The following CYTH3 variants were observed in gnomAD, a reference collection of about 807,000 sequenced individuals.
CYTH3 encodes cytohesin-3.
A neutral mutation model predicts 55.1 loss-of-function variants in CYTH3; 23 were observed. The observed-to-expected ratio is 0.42, with a 90% CI of 0.30 to 0.59. The LOEUF (loss-of-function observed/expected upper bound fraction) is 0.59. Among genes scored for constraint, CYTH3 ranks in the 20% least tolerant of loss-of-function variants. The pLI, the probability that CYTH3 is intolerant of heterozygous loss-of-function variation, is 0.20. For synonymous variants in CYTH3, 249 were observed against 194.9 expected (o/e 1.28, Z -2.31); for missense variants, 413 against 524.8 (o/e 0.79, Z 2.08).
At chr7:6,225,520 A>G (rs940804149) in intron 1 of CYTH3, among the ~76,000 whole-genome samples, 1 of 151,886 alleles carries the variant, frequency 6.6e-6, no homozygotes, top group Middle Eastern at 3.4e-3. Flanking sequence ...TGCTAGGCTA[A>G]TTTTTTGTGT....
In CYTH3 at chr7:6,170,115, A is replaced by T. The variant is rs1224700950; in HGVS notation, c.823+420T>A. On this transcript the variant is annotated intron_variant, in intron 9 of 12. Transcript: ENST00000350796. This position sits in a 1 kb window ranked among gnomAD's most constrained non-coding sequence, Gnocchi z 7.8. ...GACAAGCAGGGACAGCCCGTCACAG[A>T]ACAGAAAGGTGGGAGCCACAGGCAG... The T allele has an allele frequency of 5.6e-6, 1 of 178,410 alleles. No homozygotes were observed. Among genetic ancestry groups the T allele is most frequent in the Non-Finnish European group, 1.2e-5 (1 of 84,302 alleles). 11.1% of individuals were successfully genotyped at this position (178,410 alleles called of 1,614,324 possible). A position where few individuals can be genotyped will look rare whatever the true frequency, so the allele number is the denominator to read the frequency against.
intron 12 of CYTH3, 31 bp downstream of exon 12, chr7:6,165,242 G>A (rs763619168): frequency 6.3e-7 from 1 of 1,595,672 alleles, no homozygotes; most frequent in Non-Finnish European, 8.5e-7. Context: ...CGAGAAGACG[G>A]GCCTGGCCCC....
At chr7:6,244,161 C>T (rs2128555996) in intron 1 of CYTH3, among the ~76,000 whole-genome samples, 1 of 152,250 alleles carries the variant, frequency 6.6e-6, no homozygotes, top group Admixed American at 6.5e-5. Flanking sequence ...AAGTCGGACA[C>T]TTTCAGACTT....
intron 2 of CYTH3, 91 bp downstream of exon 2, chr7:6,190,358 T>C: frequency 1.0e-6 from 1 of 957,086 alleles, no homozygotes; most frequent in South Asian, 2.1e-5. Flanking sequence ...TTTTTTTTTT[T>C]TTTACATTTT....
At position 6,175,545 on chromosome 7, in the gene CYTH3, C is replaced by CTTTTTTT. The variant is rs1177188782; in HGVS notation, c.369-1819_369-1813dup. On this transcript the variant is annotated intron_variant, in intron 5 of 12. Transcript: ENST00000350796. ...CAATGTCTTGACTATACACTTTAGT[C>CTTTTTTT]TTTTTTTTTTTTTTTTTTTTTTGAG... Among the ~76,000 whole-genome samples, 34 of 89,004 alleles carry CTTTTTTT rather than the reference C, an allele frequency of 3.8e-4. 1 individual carries two copies. The highest frequency in any genetic ancestry group is 5.4e-4 in the Non-Finnish European group (26 of 48,414). The allele number at this position is 89,004 out of a possible 152,430, so 58.4% of individuals were successfully genotyped here. A position where few individuals can be genotyped will look rare whatever the true frequency, so the allele number is the denominator to read the frequency against.
chr7:6,254,903 A>T (rs1780060544), intron 1 of CYTH3, among the ~76,000 whole-genome samples: 1 of 152,220 alleles, frequency 6.6e-6, no homozygotes, highest in African/African-American at 2.4e-5. Flanking sequence ...TTTTCTGTAG[A>T]TTTGAACATT....
At position 6,170,301 on chromosome 7, in the gene CYTH3, G is replaced by A. The variant is rs113626113; in HGVS notation, c.823+234C>T. On this transcript the variant is annotated intron_variant, in intron 9 of 12. Coordinates refer to ENST00000350796, the MANE Select transcript of CYTH3 (RefSeq NM_004227.4). The surrounding 1 kb of genome is among the most constrained non-coding windows in gnomAD (Gnocchi z 7.8). ...TGCTAACTCAGCAGTTTTCTGGGAC[G>A]GGCCGTGCAGCCTGGGCGCTACTCT... 12 of 522,444 alleles carry A rather than the reference G, an allele frequency of 2.3e-5. No homozygotes were observed. Among genetic ancestry groups the A allele is most frequent in the South Asian group, 5.4e-5 (2 of 37,230 alleles). 32.4% of individuals were successfully genotyped at this position (522,444 alleles called of 1,614,324 possible). A position where few individuals can be genotyped will look rare whatever the true frequency, so the allele number is the denominator to read the frequency against.
intron 4 of CYTH3, among the ~76,000 whole-genome samples, chr7:6,181,869 GTGA>G (rs1783512047): frequency 6.6e-6 from 1 of 152,148 alleles, no homozygotes; most frequent in Non-Finnish European, 1.5e-5. Flanking sequence ...ATATGCTCAA[GTGA>G]TGATGTGACA....
rs556556975 is a variant in CYTH3 at position 6,223,145 on chromosome 7, G to A, written c.35-32614C>T. On this transcript the variant is annotated intron_variant, in intron 1 of 12. Coordinates refer to ENST00000350796, the MANE Select transcript of CYTH3 (RefSeq NM_004227.4). ...CGTCTGGGAGGCGAGGAGCGCCTCTGCCCGGCCGCCCCGTCTGGGAGGTGG... is the reference window on the plus strand; with the variant it reads ...CGTCTGGGAGGCGAGGAGCGCCTCTACCCGGCCGCCCCGTCTGGGAGGTGG... Among the ~76,000 whole-genome samples, 25 of 152,224 alleles carry A rather than the reference G, an allele frequency of 1.6e-4. No homozygotes were observed. In the Middle Eastern group the frequency reaches 0.024, roughly 145 times the overall value.
intron 1 of CYTH3, among the ~76,000 whole-genome samples, chr7:6,268,086 T>C (rs1780550175): frequency 6.6e-6 from 1 of 151,926 alleles, no homozygotes; most frequent in South Asian, 2.1e-4. Flanking sequence ...CCAGGGAATC[T>C]GCATGCATCA....
intron 1 of CYTH3, among the ~76,000 whole-genome samples, chr7:6,229,919 G>C (rs745591498): frequency 1.3e-5 from 2 of 152,038 alleles, no homozygotes; most frequent in Non-Finnish European, 2.9e-5. Flanking sequence ...GTGATAGCTT[G>C]AGGTCTGGAG....
chr7:6,190,719 T>C (rs1431689544), intron 1 of CYTH3, among the ~76,000 whole-genome samples, 188 bp from the exon 2 acceptor site: 2 of 152,274 alleles, frequency 1.3e-5, no homozygotes, highest in Admixed American at 1.3e-4. Flanking sequence ...ACAGCCTAAA[T>C]ATTCATCAGT....
At chr7:6,212,844 C>T (rs1376239976) in intron 1 of CYTH3, 1 of 152,206 alleles carries the variant, frequency 6.6e-6, no homozygotes, top group Non-Finnish European at 1.5e-5. Context: ...CAGCTCTTGC[C>T]CATTGTGAAG....
chr7:6,222,724 G>A (rs78958725), intron 1 of CYTH3, among the ~76,000 whole-genome samples: 9,626 of 147,418 alleles, frequency 0.065, 359 homozygotes, highest in Middle Eastern at 0.083. Flanking sequence ...TCCAGCCTGG[G>A]CAACAGAGTG....
intron 1 of CYTH3, among the ~76,000 whole-genome samples, chr7:6,218,789 G>A (rs544431489): frequency 2.6e-5 from 4 of 152,174 alleles, no homozygotes; most frequent in South Asian, 2.1e-4. Flanking sequence ...GGCAGGTCAC[G>A]AGGTCAGGAG....
chr7:6,256,491 A>G (rs1319882084), intron 1 of CYTH3, among the ~76,000 whole-genome samples: 1 of 152,236 alleles, frequency 6.6e-6, no homozygotes, highest in African/African-American at 2.4e-5. Flanking sequence ...GATGGTCTTC[A>G]TTACCTTTAG....
At chr7:6,238,236 T>C (rs947843011) in intron 1 of CYTH3, among the ~76,000 whole-genome samples, 3 of 152,174 alleles carry the variant, frequency 2.0e-5, no homozygotes, top group Non-Finnish European at 4.4e-5. Context: ...AATATTTTTT[T>C]AATTGTGAAT....
At chr7:6,236,398 C>T (rs998065025) in intron 1 of CYTH3, among the ~76,000 whole-genome samples, 2 of 142,612 alleles carry the variant, frequency 1.4e-5, no homozygotes, top group African/African-American at 5.2e-5. Context: ...TTTGTACAGA[C>T]AGGGTCTTGC....
rs927084609 is a variant in CYTH3, at chr7:6,167,443, G to A, written c.824-1633C>T. ...CAGCTGACAGCAACTCCACTACCCTGACATCCGTCACTGTCACGGTCGCCT... is the reference window on the plus strand; with the variant it reads ...CAGCTGACAGCAACTCCACTACCCTAACATCCGTCACTGTCACGGTCGCCT... On this transcript the variant is annotated intron_variant, in intron 9 of 12. Coordinates refer to ENST00000350796, the MANE Select transcript of CYTH3 (RefSeq NM_004227.4). This position sits in a 1 kb window ranked among gnomAD's most constrained non-coding sequence, Gnocchi z 5.5. Among the ~76,000 whole-genome samples the A allele has an allele frequency of 2.6e-5, 4 of 152,184 alleles. No homozygotes were observed. Among genetic ancestry groups the A allele is most frequent in the South Asian group, 2.1e-4 (1 of 4,830 alleles).
Sources: gnomAD v4.1 joint callset for allele counts (sites outside exome capture counted in the v4.1 genomes callset) on GRCh38, gnomAD v4.1.1 for gene constraint, Gnocchi (gnomAD v3.1) non-coding constraint, MANE v1.5 for transcripts, NCBI Gene and HGNC (gene_info 2026-07-23, HGNC 2026-07-21) for gene names.